SRPK2: variants seen among roughly 807,000 people sequenced by gnomAD.
SRPK2 encodes SFRS protein kinase 2.
Under a neutral mutation model 90.8 loss-of-function variants are expected in SRPK2, and 21 were observed. That is an observed-to-expected ratio of 0.23 (90% CI 0.16 to 0.33). The LOEUF (loss-of-function observed/expected upper bound fraction) is 0.33. SRPK2 is among the 10% of genes least tolerant of loss of function. The pLI is 1.00. For missense variants in SRPK2, 620 were observed against 869.0 expected (o/e 0.71, Z 3.60); for synonymous variants, 288 against 311.1 (o/e 0.93, Z 0.78).
chr7:105,214,976 C>T (rs1443108249), intron 2 of SRPK2, among the ~76,000 whole-genome samples: 1 of 152,154 alleles, frequency 6.6e-6, no homozygotes, highest in Non-Finnish European at 1.5e-5. Context: ...AAGACAATGT[C>T]GTACTGGCAT....
Position 105,142,211 on chromosome 7 carries a change from C to A in SRPK2, c.1340G>T (p.Gly447Val), listed in dbSNP as rs922142481. The change falls in exon 11 of 16, where the codon GGT becomes GTT. Residue 447 changes from glycine (G) to valine (V), a missense_variant. Gly to Val is a moderately radical substitution (Grantham distance 109). Coordinates refer to ENST00000393651, the MANE Select transcript of SRPK2 (RefSeq NM_182692.3). The part of the protein sequence containing the change: ...TYSSSYEQFN[G>V]ELPNGRHKIP... ...TTTATGTCGTCCATTTGGCAATTCACCATTGAATTGTTCATAGGAGCTGCT... is the reference window on the plus strand; with the variant it reads ...TTTATGTCGTCCATTTGGCAATTCAACATTGAATTGTTCATAGGAGCTGCT... 3 of 1,613,928 alleles carry A rather than the reference C, an allele frequency of 1.9e-6. No homozygotes were observed. The highest frequency in any genetic ancestry group is 2.5e-6 in the Non-Finnish European group (3 of 1,179,902).
At chr7:105,362,440 C>G (rs1489685962) in intron 2 of SRPK2, among the ~76,000 whole-genome samples, 2 of 151,350 alleles carry the variant, frequency 1.3e-5, no homozygotes, top group African/African-American at 4.9e-5. Context: ...TGGCCTGAAC[C>G]CAGGAGGCAG....
intron 2 of SRPK2, among the ~76,000 whole-genome samples, chr7:105,253,361 A>T (rs1238400211): frequency 2.6e-5 from 4 of 152,202 alleles, no homozygotes; most frequent in Admixed American, 1.3e-4. Context: ...TCTTTAAAAG[A>T]CCTTACTTCA....
intron 2 of SRPK2, among the ~76,000 whole-genome samples, chr7:105,339,485 TAATG>T (rs1406258918): frequency 1.3e-5 from 2 of 152,174 alleles, no homozygotes; most frequent in Non-Finnish European, 2.9e-5. Flanking sequence ...GTTAACATAA[TAATG>T]AAGGAAGAAA....
chr7:105,247,680 C>T (rs1381415324), intron 2 of SRPK2, among the ~76,000 whole-genome samples: 1 of 151,594 alleles, frequency 6.6e-6, no homozygotes, highest in African/African-American at 2.4e-5. Flanking sequence ...AAGTTTAATT[C>T]TTGGTATTTT....
At chr7:105,384,581 T>C (rs1821318916) in intron 2 of SRPK2, among the ~76,000 whole-genome samples, 1 of 152,212 alleles carries the variant, frequency 6.6e-6, no homozygotes, top group Admixed American at 6.5e-5. Flanking sequence ...ATCATATTAA[T>C]AGTTTAAAAT....
At position 105,132,950 on chromosome 7, in the gene SRPK2, T is replaced by C. The variant is rs765866736; in HGVS notation, c.1645-52A>G. 4 of 1,613,046 alleles carry C rather than the reference T, an allele frequency of 2.5e-6. No individual in the cohort carries two copies. The South Asian group carries it at 3.3e-5, about 13-fold the overall frequency. The stretch of plus-strand genomic sequence containing the variant: ...CGGAGCAACACAGACATTCAAAAAG[T>C]GTCTTCGCACACAGAATCAAGACCA... On this transcript the variant is annotated intron_variant, in intron 12 of 15. Coordinates refer to ENST00000393651, the MANE Select transcript of SRPK2 (RefSeq NM_182692.3).
chr7:105,364,405 G>GTTTTTTTTTTTTT lies in SRPK2; in HGVS notation c.71+24230_71+24242dup, dbSNP rs71152964. ...CTTTCCATAGCATACCGTGTGTAAC[G>GTTTTTTTTTTTTT]TTTTTTTTTTTTTGAGAAGGAGTCT... On this transcript the variant is annotated intron_variant, in intron 2 of 15. Transcript: ENST00000393651. 9.9e-4 allele frequency among the ~76,000 whole-genome samples: 132 copies of GTTTTTTTTTTTTT among 133,876 alleles called. 4 individuals carry two copies. The East Asian group carries it at 0.013, about 13-fold the overall frequency. 87.8% of individuals were successfully genotyped at this position (133,876 alleles called of 152,430 possible). A position where few individuals can be genotyped will look rare whatever the true frequency, so the allele number is the denominator to read the frequency against.
intron 3 of SRPK2, 70 bp downstream of exon 3, chr7:105,203,558 T>C: frequency 7.2e-7 from 1 of 1,388,294 alleles, no homozygotes; most frequent in Non-Finnish European, 9.4e-7. Flanking sequence ...CCCTTGTCCA[T>C]TCCCCCAACA....
intron 2 of SRPK2, among the ~76,000 whole-genome samples, chr7:105,216,669 A>AAGAG: frequency 6.7e-6 from 1 of 149,308 alleles, no homozygotes; most frequent in East Asian, 1.9e-4. Flanking sequence ...AAAAAAAAAA[A>AAGAG]AGAGAGAGAG....
intron 6 of SRPK2, among the ~76,000 whole-genome samples, chr7:105,165,864 C>A (rs1234607608): frequency 6.6e-6 from 1 of 152,198 alleles, no homozygotes; most frequent in Non-Finnish European, 1.5e-5. Flanking sequence ...TCCACACCAA[C>A]TTTAAGAGCT....
At chr7:105,323,210 C>CAA (rs780728924) in intron 2 of SRPK2, among the ~76,000 whole-genome samples, 2 of 151,970 alleles carry the variant, frequency 1.3e-5, no homozygotes, top group Non-Finnish European at 2.9e-5. Flanking sequence ...AAAAGTCCTA[C>CAA]AAAAAGAAAC....
In SRPK2 at chr7:105,359,150, C is replaced by CTTTT. The variant is rs35765090; in HGVS notation, c.71+29494_71+29497dup. Among the ~76,000 whole-genome samples the CTTTT allele has an allele frequency of 2.6e-3, 141 of 54,826 alleles. 2 individuals carry two copies. The highest frequency in any genetic ancestry group is 3.0e-3 in the Non-Finnish European group (99 of 32,666). The allele number at this position is 54,826 out of a possible 152,430, so 36.0% of individuals were successfully genotyped here. On this transcript the variant is annotated intron_variant, in intron 2 of 15. Transcript: ENST00000393651. ...CAAACAAACCATATCCAAACCACAG[C>CTTTT]TTTTTTTTTTTTTTTTTTTTTTTTT...
chr7:105,303,283 G>A (rs943232673), intron 2 of SRPK2, among the ~76,000 whole-genome samples: 5 of 152,062 alleles, frequency 3.3e-5, no homozygotes, highest in African/African-American at 1.2e-4. Context: ...TTGGACACAG[G>A]GCGGGGAACA....
chr7:105,184,369 C>A (rs768101747), intron 3 of SRPK2, among the ~76,000 whole-genome samples: 30 of 152,184 alleles, frequency 2.0e-4, no homozygotes, highest in Non-Finnish European at 3.8e-4. Context: ...ATAATCCAAA[C>A]CACTGTTACA....
At chr7:105,395,134 C>G (rs1822287458) in intron 1 of SRPK2, among the ~76,000 whole-genome samples, 1 of 152,110 alleles carries the variant, frequency 6.6e-6, no homozygotes, top group Non-Finnish European at 1.5e-5. Context: ...GATCTTGCCA[C>G]TGCCCTCCAG....
chr7:105,145,153 T>C (rs1804399305), intron 9 of SRPK2, 130 bp downstream of exon 9: 1 of 535,132 alleles, frequency 1.9e-6, no homozygotes, highest in Non-Finnish European at 3.0e-6. Flanking sequence ...GTCTTACCTA[T>C]TTGAGGATAC....
intron 2 of SRPK2, among the ~76,000 whole-genome samples, chr7:105,348,491 C>G (rs1206055641): frequency 2.1e-5 from 3 of 144,702 alleles, no homozygotes; most frequent in Non-Finnish European, 4.5e-5. Context: ...ATGGCATGAT[C>G]ACGGCTCACT....
chr7:105,350,418 C>T (rs546077971), intron 2 of SRPK2, among the ~76,000 whole-genome samples: 4 of 148,766 alleles, frequency 2.7e-5, no homozygotes, highest in Admixed American at 2.0e-4. Flanking sequence ...CATGAGCCAC[C>T]GCGCCTGGCC....
Sources: gnomAD v4.1 joint callset for allele counts (sites outside exome capture counted in the v4.1 genomes callset) on GRCh38, gnomAD v4.1.1 for gene constraint, MANE v1.5 for transcripts, NCBI Gene and HGNC (gene_info 2026-07-23, HGNC 2026-07-21) for gene names.